Variants in SPIDR observed in about 807,000 individuals in gnomAD.
The protein encoded by SPIDR is scaffold protein involved in DNA repair, also known as DNA repair-scaffolding protein.
Under a neutral mutation model 104.6 loss-of-function variants are expected in SPIDR, and 93 were observed. The ratio of observed to expected loss-of-function variants is 0.89; its 90% CI spans 0.75 to 1.06. The LOEUF is 1.06. Ranked by LOEUF, SPIDR falls within the 50% of genes least tolerant of loss-of-function variation. The pLI is 0.00. For missense variants in SPIDR, 1,154 were observed against 1,111.2 expected (o/e 1.04, Z -0.55); for synonymous variants, 431 against 416.9 (o/e 1.03, Z -0.41).
chr8:47,515,146 T>C lies in SPIDR; in HGVS notation c.1097+74604T>C, dbSNP rs192731620. ...CTTAACCTCCACATCTGACCCCCAC[T>C]AGCCTTCAACTGATTCTAGTGTGCT... is the stretch of plus-strand genomic sequence containing the variant. On this transcript the variant is annotated intron_variant, in intron 8 of 19. Coordinates refer to ENST00000297423, the MANE Select transcript of SPIDR (RefSeq NM_001080394.4). 1.7e-3 allele frequency among the ~76,000 whole-genome samples: 254 copies of C among 152,328 alleles called. 2 individuals carry two copies. The highest frequency in any genetic ancestry group is 8.1e-4 in the Non-Finnish European group (55 of 68,028).
intron 8 of SPIDR, among the ~76,000 whole-genome samples, chr8:47,457,847 G>A (rs1270975371): frequency 1.3e-5 from 2 of 152,110 alleles, no homozygotes; most frequent in Non-Finnish European, 2.9e-5. Flanking sequence ...GTGCTGAATA[G>A]GGTGTCCTTT....
At chr8:47,437,571 G>A (rs1554693181) in intron 7 of SPIDR, among the ~76,000 whole-genome samples, 2 of 151,986 alleles carry the variant, frequency 1.3e-5, no homozygotes, top group Non-Finnish European at 2.9e-5. Context: ...ATCAAAAAGT[G>A]GGCAAAGGAC....
intron 8 of SPIDR, among the ~76,000 whole-genome samples, chr8:47,465,547 A>G (rs371954128): frequency 6.6e-6 from 1 of 152,196 alleles, no homozygotes; most frequent in African/African-American, 2.4e-5. Flanking sequence ...AGCCTGGCCA[A>G]CATGGTGAAA....
chr8:47,344,259 G>A (rs181727867), intron 5 of SPIDR, among the ~76,000 whole-genome samples: 43 of 152,062 alleles, frequency 2.8e-4, no homozygotes, highest in Non-Finnish European at 5.0e-4. Flanking sequence ...CAGAATGATG[G>A]TTTCCACCTT....
At chr8:47,679,660 G>A (rs947242278) in intron 11 of SPIDR, among the ~76,000 whole-genome samples, 3 of 152,220 alleles carry the variant, frequency 2.0e-5, no homozygotes, top group Non-Finnish European at 4.4e-5. Context: ...CCTGTGCCAT[G>A]TGCTGCGCCA....
intron 11 of SPIDR, among the ~76,000 whole-genome samples, chr8:47,693,572 C>G (rs774773862): frequency 1.2e-4 from 18 of 152,210 alleles, no homozygotes; most frequent in Admixed American, 2.0e-4. Context: ...ATGCGCCTCC[C>G]AGGCACCAGT....
At position 47,293,943 on chromosome 8, in the gene SPIDR, C is replaced by T. The variant is rs1168977125; in HGVS notation, c.438C>T (p.Asp146=). 56 of 1,613,906 alleles carry T rather than the reference C, an allele frequency of 3.5e-5. No homozygotes were observed. The highest frequency in any genetic ancestry group is 5.3e-5 in the African/African-American group (4 of 74,884). ...GTGACTGTGATGAATTTGAAGATGA[C>T]GAGGGTGCTGTGGAAATCTCAGACT... ...EASDCDEFED[D]EGAVEISDCA... The change falls in exon 5 of 20, where the codon GAC becomes GAT. Residue 146 remains aspartate, a synonymous_variant. Transcript: ENST00000297423.
At chr8:47,343,871 G>A (rs899309108) in intron 5 of SPIDR, among the ~76,000 whole-genome samples, 1 of 152,098 alleles carries the variant, frequency 6.6e-6, no homozygotes, top group Non-Finnish European at 1.5e-5. Flanking sequence ...TGTCCTTCGG[G>A]GGGGAAAAGA....
At chr8:47,681,536 T>G (rs1163477000) in intron 11 of SPIDR, among the ~76,000 whole-genome samples, 1 of 152,208 alleles carries the variant, frequency 6.6e-6, no homozygotes, top group Non-Finnish European at 1.5e-5. Flanking sequence ...TGACAATTAT[T>G]TTTACTAGTG....
chr8:47,486,493 T>A (rs1283513843), intron 8 of SPIDR, among the ~76,000 whole-genome samples: 2 of 151,092 alleles, frequency 1.3e-5, no homozygotes, highest in East Asian at 3.9e-4. Context: ...ATTCAGGAAA[T>A]AGAGAACGCC....
intron 5 of SPIDR, among the ~76,000 whole-genome samples, chr8:47,383,784 A>G (rs185550396): frequency 1.2e-4 from 19 of 152,350 alleles, no homozygotes; most frequent in Admixed American, 8.5e-4. Flanking sequence ...TATTTTTATA[A>G]GTAAAACTAT....
intron 5 of SPIDR, among the ~76,000 whole-genome samples, chr8:47,326,169 A>G (rs560819430): frequency 6.6e-6 from 1 of 151,822 alleles, no homozygotes; most frequent in Non-Finnish European, 1.5e-5. Context: ...TCGTTTCTGT[A>G]TTTATTTATT....
rs59402950 is a variant in SPIDR at position 47,654,033 on chromosome 8, C to T, written c.1545-19768C>T. ...TATCAGATTCCATGAGGGGAACAGG[C>T]GGGAGCCAAGACAGATAGGGGCGTG... On this transcript the variant is annotated intron_variant, in intron 10 of 19. Transcript: ENST00000297423. 4,712 of 1,288,806 alleles carry T rather than the reference C, an allele frequency of 3.7e-3. 140 individuals are homozygous for T. The African/African-American group carries it at 0.066, about 18-fold the overall frequency. 79.8% of individuals were successfully genotyped at this position (1,288,806 alleles called of 1,614,324 possible). A position where few individuals can be genotyped will look rare whatever the true frequency, so the allele number is the denominator to read the frequency against.
chr8:47,421,473 T>G (rs537285455), intron 7 of SPIDR, among the ~76,000 whole-genome samples: 3 of 152,356 alleles, frequency 2.0e-5, no homozygotes, highest in African/African-American at 7.2e-5. Context: ...GGTCCTGAAA[T>G]GACTTCTCTG....
At chr8:47,727,163 C>A (rs777098711) in intron 16 of SPIDR, 37 bp from the exon 17 acceptor site, 2 of 1,596,134 alleles carry the variant, frequency 1.3e-6, no homozygotes, top group Admixed American at 3.4e-5. Flanking sequence ...GAGGGCAGAG[C>A]CGCCTCTGAG....
At chr8:47,321,297 A>G (rs1359770452) in intron 5 of SPIDR, among the ~76,000 whole-genome samples, 22 of 151,788 alleles carry the variant, frequency 1.4e-4, no homozygotes, top group Admixed American at 1.2e-3. Flanking sequence ...TTATACACCA[A>G]TAACAGAGAA....
intron 5 of SPIDR, among the ~76,000 whole-genome samples, chr8:47,317,836 G>A (rs1034413808): frequency 1.3e-5 from 2 of 152,174 alleles, no homozygotes; most frequent in Non-Finnish European, 2.9e-5. Context: ...CAGGGAAACA[G>A]GGTGTGGAGT....
At chr8:47,366,277 A>G (rs2057195221) in intron 5 of SPIDR, among the ~76,000 whole-genome samples, 1 of 152,020 alleles carries the variant, frequency 6.6e-6, no homozygotes, top group South Asian at 2.1e-4. Flanking sequence ...CGGGGTTTGG[A>G]GTATGACTTT....
intron 5 of SPIDR, chr8:47,388,550 G>T (rs1371778330): frequency 6.5e-6 from 1 of 154,136 alleles, no homozygotes; most frequent in Non-Finnish European, 1.5e-5. Flanking sequence ...CATTAGTGTA[G>T]CTTAACTTCC....
Sources: gnomAD v4.1 joint callset for allele counts (sites outside exome capture counted in the v4.1 genomes callset) on GRCh38, gnomAD v4.1.1 for gene constraint, MANE v1.5 for transcripts, NCBI Gene and HGNC (gene_info 2026-07-23, HGNC 2026-07-21) for gene names.